Variants in LUC7L2 observed in about 807,000 individuals in gnomAD.
LUC7L2 encodes LUC7 like 2, pre-mRNA splicing factor.
In LUC7L2, 25 loss-of-function variants were observed where a neutral mutation model predicts 52.8. The observed-to-expected ratio is 0.47, with a 90% CI of 0.34 to 0.66. The LOEUF (loss-of-function observed/expected upper bound fraction) is 0.66, where lower values mean the gene tolerates loss of function less well. Ranked by LOEUF, LUC7L2 falls within the 30% of genes least tolerant of loss-of-function variation. The pLI is 0.01. For synonymous variants in LUC7L2, 144 were observed against 160.9 expected, an observed-to-expected ratio of 0.89 and a Z score of 0.80; for missense variants, 328 against 497.8, an observed-to-expected ratio of 0.66 and a Z score of 3.25.
At chr7:139,390,899 A>G (rs1039654082) in intron 2 of LUC7L2, among the ~76,000 whole-genome samples, 63 of 152,210 alleles carry the variant, frequency 4.1e-4, no homozygotes, top group African/African-American at 1.4e-3. Context: ...AGCATAAAAC[A>G]TGAATATTTC....
At chr7:139,362,659 G>A (rs914028739) in intron 1 of LUC7L2, among the ~76,000 whole-genome samples, 15 of 143,808 alleles carry the variant, frequency 1.0e-4, no homozygotes, top group African/African-American at 3.2e-4. Flanking sequence ...AGACTATAAA[G>A]CAGCGACTCT....
intron 1 of LUC7L2, 37 bp downstream of exon 1, chr7:139,360,359 G>A: frequency 6.5e-7 from 1 of 1,535,010 alleles, no homozygotes; most frequent in Non-Finnish European, 8.8e-7. Flanking sequence ...TGGGGGAGGG[G>A]ACGGGGACGG....
intron 2 of LUC7L2, among the ~76,000 whole-genome samples, chr7:139,396,588 T>G (rs932726644): frequency 3.3e-5 from 5 of 152,232 alleles, no homozygotes; most frequent in African/African-American, 1.2e-4. Flanking sequence ...CTTCTCTATT[T>G]ATTTCTGTTC....
chr7:139,407,140 T>C, intron 5 of LUC7L2, 34 bp from the exon 6 acceptor site: 1 of 1,588,198 alleles, frequency 6.3e-7, no homozygotes, highest in South Asian at 1.1e-5. Flanking sequence ...TTAGTGAGAT[T>C]TATATGGTCA....
intron 2 of LUC7L2, among the ~76,000 whole-genome samples, chr7:139,389,400 C>A (rs1308601417): frequency 6.6e-6 from 1 of 152,074 alleles, no homozygotes. Flanking sequence ...CATCATTTTC[C>A]TTTATCTTCT....
At chr7:139,415,733 G>A (rs909881694) in intron 8 of LUC7L2, among the ~76,000 whole-genome samples, 3 of 151,680 alleles carry the variant, frequency 2.0e-5, no homozygotes, top group African/African-American at 7.3e-5. Context: ...CCCGTTTAAG[G>A]ATTAAGCAGT....
In LUC7L2 at chr7:139,422,845, C is replaced by G. The variant is rs1795958958; in HGVS notation, c.*505C>G. The G allele has an allele frequency of 2.5e-6, 1 of 398,960 alleles. No individual in the cohort carries two copies. The highest frequency in any genetic ancestry group is 4.4e-6 in the Non-Finnish European group (1 of 226,162). The allele number at this position is 398,960 out of a possible 1,614,324, so 24.7% of individuals were successfully genotyped here. A position where few individuals can be genotyped will look rare whatever the true frequency, so the allele number is the denominator to read the frequency against. On this transcript the variant is annotated 3_prime_UTR_variant, in exon 10 of 10. Transcript: ENST00000354926. Reference sequence around the variant, plus strand: ...TATGAATTACTAGCTGATTACAGTTCAGAGCATTGATCCTGGAATGTGTGC... The same window carrying G: ...TATGAATTACTAGCTGATTACAGTTGAGAGCATTGATCCTGGAATGTGTGC...
chr7:139,353,814 GAAAC>G (rs1220261011), intron 1 of LUC7L2, among the ~76,000 whole-genome samples: 2 of 150,754 alleles, frequency 1.3e-5, no homozygotes, highest in Non-Finnish European at 1.5e-5. Flanking sequence ...AAAAAACAAA[GAAAC>G]AAAAAAAAAT....
rs141957166 is a variant in LUC7L2 at position 139,381,162 on chromosome 7, A to C, written c.156+5006A>C. On this transcript the variant is annotated intron_variant, in intron 2 of 9. Transcript: ENST00000354926. ...CTGTTAAATGTCTCAATAAAAAAAA[A>C]CCACAGTATTCTATACCATTTAGGA... 2.8e-3 allele frequency among the ~76,000 whole-genome samples: 427 copies of C among 152,198 alleles called. 3 individuals carry two copies. Among genetic ancestry groups the C allele is most frequent in the African/African-American group, 9.1e-3 (380 of 41,558 alleles).
chr7:139,388,819 T>C (rs2131251872), intron 2 of LUC7L2, among the ~76,000 whole-genome samples: 1 of 152,200 alleles, frequency 6.6e-6, no homozygotes, highest in African/African-American at 2.4e-5. Context: ...AAGAGACTCC[T>C]GACTTTTTTC....
At chr7:139,401,931 T>G (rs1349682949) in intron 3 of LUC7L2, among the ~76,000 whole-genome samples, 1 of 151,998 alleles carries the variant, frequency 6.6e-6, no homozygotes, top group Non-Finnish European at 1.5e-5. Context: ...ATTTGGATTT[T>G]AAGTAGAGGC....
chr7:139,373,671 T>C (rs911646076), intron 1 of LUC7L2, among the ~76,000 whole-genome samples: 4 of 149,986 alleles, frequency 2.7e-5, no homozygotes, highest in Non-Finnish European at 4.4e-5. Flanking sequence ...TGTTCATATT[T>C]TAACTGATAG....
Position 139,417,747 on chromosome 7 carries a change from A to G in LUC7L2, c.1001+18A>G, listed in dbSNP as rs559667398. On this transcript the variant is annotated intron_variant, in intron 9 of 9. Coordinates refer to ENST00000354926, the MANE Select transcript of LUC7L2 (RefSeq NM_016019.5). Reference sequence around the variant, plus strand: ...AAGAGGAGGTATTGATGTGTCAATCAGAGGATATGGAGCTACCTTAATGTT... The same window carrying G: ...AAGAGGAGGTATTGATGTGTCAATCGGAGGATATGGAGCTACCTTAATGTT... The G allele has an allele frequency of 6.2e-7, 1 of 1,608,968 alleles. No individual in the cohort carries two copies. The highest frequency in any genetic ancestry group is 1.3e-5 in the African/African-American group (1 of 74,942).
intron 1 of LUC7L2, among the ~76,000 whole-genome samples, chr7:139,348,629 G>A (rs1799348743): frequency 6.6e-6 from 1 of 151,930 alleles, no homozygotes; most frequent in South Asian, 2.1e-4. Context: ...AGAGACAGGA[G>A]AATCGCTTGA....
chr7:139,410,210 A>G (rs1795299834), intron 7 of LUC7L2, among the ~76,000 whole-genome samples: 1 of 152,184 alleles, frequency 6.6e-6, no homozygotes, highest in Non-Finnish European at 1.5e-5. Context: ...TGTCTCAAAA[A>G]AAAAAAAAGA....
chr7:139,340,480 G>A, exon 1 of LUC7L2: 1 of 398,578 alleles, frequency 2.5e-6, no homozygotes, highest in East Asian at 3.6e-5. Context: ...GCGTGCGCGC[G>A]CCCGTTCAAC....
chr7:139,352,925 C>T (rs887253979), intron 1 of LUC7L2, among the ~76,000 whole-genome samples: 3 of 152,176 alleles, frequency 2.0e-5, no homozygotes, highest in Admixed American at 6.5e-5. Context: ...CGGCCGGGCA[C>T]GGTGGCTCAT....
intron 1 of LUC7L2, chr7:139,340,724 C>CT (rs1798898427): frequency 2.6e-6 from 1 of 385,778 alleles, no homozygotes; most frequent in Non-Finnish European, 4.6e-6. Context: ...ATGGATAAGG[C>CT]ATTGGCCTCC....
intron 1 of LUC7L2, among the ~76,000 whole-genome samples, chr7:139,373,448 T>C (rs1328783189): frequency 1.3e-5 from 2 of 152,206 alleles, no homozygotes; most frequent in Non-Finnish European, 2.9e-5. Flanking sequence ...ATTTGTTGAG[T>C]TTGCTACGGT....
Sources: allele counts gnomAD v4.1 joint callset (sites outside exome capture counted in the v4.1 genomes callset), GRCh38; gene constraint gnomAD v4.1.1; transcripts MANE v1.5; gene names NCBI Gene and HGNC (gene_info 2026-07-23, HGNC 2026-07-21).